TACR3: variants seen among roughly 807,000 people sequenced by gnomAD.
TACR3 encodes the protein neuromedin-K receptor.
TACR3 carries 34 observed loss-of-function variants against 35.0 expected under a neutral mutation model. The observed-to-expected ratio is 0.97, with a 90% CI of 0.74 to 1.30. The LOEUF is 1.30. Among genes scored for constraint, TACR3 ranks in the 50% most tolerant of loss-of-function variants. The probability of loss-of-function intolerance (pLI) is 0.00; values close to 1 mark genes in which losing one functional copy is unlikely to be tolerated. For missense variants in TACR3, 558 were observed against 591.7 expected, an observed-to-expected ratio of 0.94 and a Z score of 0.59; for synonymous variants, 233 against 221.1, an observed-to-expected ratio of 1.05 and a Z score of -0.48.
chr4:103,675,874 A>G (rs77006576), intron 1 of TACR3, among the ~76,000 whole-genome samples: 4,478 of 152,222 alleles, frequency 0.029, 238 homozygotes, highest in African/African-American at 0.1. Context: ...GGCAGAGAAA[A>G]GAAAGAAATG....
chr4:103,620,779 A>G (rs1724757597), intron 3 of TACR3, among the ~76,000 whole-genome samples: 1 of 152,176 alleles, frequency 6.6e-6, no homozygotes. Context: ...CTACCCATTG[A>G]GCACTATGCT....
At chr4:103,703,897 G>A (rs568200676) in intron 1 of TACR3, among the ~76,000 whole-genome samples, 44 of 151,802 alleles carry the variant, frequency 2.9e-4, no homozygotes, top group East Asian at 1.4e-3. Context: ...TCAGGAGATC[G>A]AGACCATCCT....
At chr4:103,708,652 T>G (rs1301274743) in intron 1 of TACR3, among the ~76,000 whole-genome samples, 1 of 152,122 alleles carries the variant, frequency 6.6e-6, no homozygotes, top group Non-Finnish European at 1.5e-5. Flanking sequence ...CAAAGCTGGA[T>G]GGAGAATGAC....
chr4:103,702,316 A>G lies in TACR3; in HGVS notation c.548+16812T>C, dbSNP rs377152719. Among the ~76,000 whole-genome samples the G allele has an allele frequency of 7.2e-5, 11 of 152,240 alleles. No individual in the cohort carries two copies. In the East Asian group the frequency reaches 7.7e-4, roughly 11 times the overall value. ...CATGAAAAAATGCTCATCATCACTG[A>G]CCATCAGAGAAATGCAAATCAAAAC... On this transcript the variant is annotated intron_variant, in intron 1 of 4. Coordinates refer to ENST00000304883, the MANE Select transcript of TACR3 (RefSeq NM_001059.3).
intron 1 of TACR3, among the ~76,000 whole-genome samples, chr4:103,669,378 A>T (rs1415932523): frequency 6.6e-6 from 1 of 152,118 alleles, no homozygotes; most frequent in Non-Finnish European, 1.5e-5. Flanking sequence ...TATATCTAGC[A>T]CTGGGCTTGC....
In TACR3 at chr4:103,605,923, G is replaced by A. The variant is rs570477513; in HGVS notation, c.889-14240C>T. On this transcript the variant is annotated intron_variant, in intron 3 of 4. Coordinates refer to ENST00000304883, the MANE Select transcript of TACR3 (RefSeq NM_001059.3). Reference sequence around the variant, plus strand: ...CCATGCCTATGTACTGAATGGTAATGCCTAGGTTTTCTTCTAGGGTTTTTA... The same window carrying A: ...CCATGCCTATGTACTGAATGGTAATACCTAGGTTTTCTTCTAGGGTTTTTA... 2.6e-5 allele frequency among the ~76,000 whole-genome samples: 4 copies of A among 152,284 alleles called. 1 individual carries two copies. The South Asian group carries it at 8.3e-4, about 32-fold the overall frequency.
intron 3 of TACR3, among the ~76,000 whole-genome samples, chr4:103,645,561 A>C (rs1021316442): frequency 6.6e-6 from 1 of 151,978 alleles, no homozygotes; most frequent in African/African-American, 2.4e-5. Flanking sequence ...TTTTATCTTT[A>C]ATGTAATTAT....
intron 1 of TACR3, among the ~76,000 whole-genome samples, chr4:103,675,775 C>T (rs549315481): frequency 1.3e-5 from 2 of 152,146 alleles, no homozygotes; most frequent in South Asian, 4.2e-4. Context: ...CCATGTGTCT[C>T]CCATTAGGCA....
At chr4:103,679,194 T>C (rs987892771) in intron 1 of TACR3, among the ~76,000 whole-genome samples, 1 of 152,044 alleles carries the variant, frequency 6.6e-6, no homozygotes, top group African/African-American at 2.4e-5. Flanking sequence ...CTATGCCCAT[T>C]TGCATTGCTT....
At chr4:103,612,512 T>C (rs1176958580) in intron 3 of TACR3, among the ~76,000 whole-genome samples, 1 of 152,162 alleles carries the variant, frequency 6.6e-6, no homozygotes, top group African/African-American at 2.4e-5. Context: ...TTCTTTTTTT[T>C]TTTTCTTGTG....
At chr4:103,631,015 A>C (rs1392025591) in intron 3 of TACR3, among the ~76,000 whole-genome samples, 1 of 152,180 alleles carries the variant, frequency 6.6e-6, no homozygotes, top group Admixed American at 6.5e-5. Flanking sequence ...AGATGAGTTC[A>C]TGTCCTTTGC....
At chr4:103,655,998 A>G (rs1296339807) in intron 3 of TACR3, among the ~76,000 whole-genome samples, 196 bp downstream of exon 3, 1 of 152,136 alleles carries the variant, frequency 6.6e-6, no homozygotes, top group Non-Finnish European at 1.5e-5. Context: ...ATTAACTATT[A>G]TATAACAGAC....
At chr4:103,626,332 A>G (rs17225298) in intron 3 of TACR3, among the ~76,000 whole-genome samples, 12,601 of 152,302 alleles carry the variant, frequency 0.083, 655 homozygotes, top group Non-Finnish European at 0.12. Context: ...GAGCCTGGTC[A>G]TATGTCACCT....
chr4:103,621,323 G>T (rs75922694), intron 3 of TACR3, among the ~76,000 whole-genome samples: 7 of 152,288 alleles, frequency 4.6e-5, no homozygotes, highest in Non-Finnish European at 7.4e-5. Flanking sequence ...TACAAGGTAT[G>T]CTGATGAAGA....
At chr4:103,606,433 A>G (rs1280313324) in intron 3 of TACR3, among the ~76,000 whole-genome samples, 4 of 152,078 alleles carry the variant, frequency 2.6e-5, no homozygotes, top group Admixed American at 1.3e-4. Context: ...CCATTTTCAC[A>G]ATATTGATTC....
intron 1 of TACR3, among the ~76,000 whole-genome samples, chr4:103,686,912 C>G (rs979745226): frequency 1.8e-4 from 28 of 152,248 alleles, no homozygotes; most frequent in Non-Finnish European, 3.7e-4. Flanking sequence ...CAGCATCATC[C>G]TGATACCAAA....
In TACR3 at chr4:103,719,529, G is replaced by A. The variant is rs1274034411; in HGVS notation, c.147C>T (p.Gly49=). ...GCGCGGAAGGGGAGGAGGAGAGGTT[G>A]CCAGCTTGGTCCAGCAGTTGCAGCC... ...TGWLQLLDQA[G]NLSSSPSALG... Residue 49 remains glycine, a synonymous_variant, in exon 1 of 5, where the codon GGC becomes GGT. Transcript: ENST00000304883. The A allele has an allele frequency of 5.0e-6, 8 of 1,608,326 alleles. No homozygotes were observed. Among genetic ancestry groups the A allele is most frequent in the South Asian group, 1.1e-5 (1 of 90,812 alleles).
intron 3 of TACR3, 25 bp downstream of exon 3, chr4:103,656,169 C>T (rs752131393): frequency 1.2e-6 from 2 of 1,611,846 alleles, no homozygotes; most frequent in Admixed American, 1.7e-5. Flanking sequence ...TATACAAATG[C>T]TAGGTAAACA....
At chr4:103,600,149 T>G (rs1204044657) in intron 3 of TACR3, among the ~76,000 whole-genome samples, 2 of 152,176 alleles carry the variant, frequency 1.3e-5, no homozygotes, top group African/African-American at 4.8e-5. Context: ...TATTGGTCTA[T>G]TCAGAGATTC....
Sources: allele counts gnomAD v4.1 joint callset (sites outside exome capture counted in the v4.1 genomes callset), GRCh38; gene constraint gnomAD v4.1.1; transcripts MANE v1.5; gene names NCBI Gene and HGNC (gene_info 2026-07-23, HGNC 2026-07-21).